Variants in PCDHA9 observed in about 807,000 individuals in gnomAD.
PCDHA9 encodes the protein protocadherin alpha-9.
In PCDHA9, 62 loss-of-function variants were observed where a neutral mutation model predicts 62.0. The observed-to-expected ratio is 1.00, with a 90% CI of 0.81 to 1.23. The LOEUF (loss-of-function observed/expected upper bound fraction) is 1.23. Ranked by LOEUF, PCDHA9 falls within the 50% of genes most tolerant of loss-of-function variation. The pLI is 0.00. For missense variants in PCDHA9, 1,205 were observed against 1,249.8 expected (o/e 0.96, Z 0.54); for synonymous variants, 557 against 567.6 (o/e 0.98, Z 0.27).
At chr5:140,962,295 A>G (rs1215334325) in intron 1 of PCDHA9, among the ~76,000 whole-genome samples, 2 of 152,196 alleles carry the variant, frequency 1.3e-5, no homozygotes, top group African/African-American at 4.8e-5. Flanking sequence ...TTAATATTCT[A>G]TGATTCTTGT....
rs139533789 is a variant in PCDHA9, at chr5:140,857,716, C to G, written c.2394+6827C>G. ...TGACGCTGCAGGTGTTCGTGCTGGA[C>G]GAGAACGACAACGCTCCCGCGCTGC... On this transcript the variant is annotated intron_variant, in intron 1 of 3. Transcript: ENST00000532602. The G allele has an allele frequency of 3.1e-6, 5 of 1,597,272 alleles. No individual in the cohort carries two copies. Among genetic ancestry groups the G allele is most frequent in the East Asian group, 2.2e-5 (1 of 44,832 alleles).
intron 1 of PCDHA9, among the ~76,000 whole-genome samples, chr5:140,942,504 G>C (rs2093309107): frequency 6.6e-6 from 1 of 151,936 alleles, no homozygotes; most frequent in Admixed American, 6.6e-5. Flanking sequence ...ATGGTATCTA[G>C]GAAACTCAGA....
At chr5:140,889,042 A>G (rs1395605890) in intron 1 of PCDHA9, among the ~76,000 whole-genome samples, 1 of 152,046 alleles carries the variant, frequency 6.6e-6, no homozygotes, top group African/African-American at 2.4e-5. Context: ...ATTTGATTAT[A>G]ATTTATAATC....
In PCDHA9 at chr5:140,855,633, A is replaced by G. The variant is rs2043544595; in HGVS notation, c.2394+4744A>G. On this transcript the variant is annotated intron_variant, in intron 1 of 3. Transcript: ENST00000532602. ...ATTAAGGGCATTTTGAAATTCGGCT[A>G]TTGATAATCATGTGGTTAGGGAAGA... 1.3e-5 allele frequency among the ~76,000 whole-genome samples: 2 copies of G among 149,874 alleles called. 1 individual carries two copies. Among genetic ancestry groups the G allele is most frequent in the African/African-American group, 4.9e-5 (2 of 40,848 alleles).
rs782755765 is a variant in PCDHA9, at chr5:140,869,235, C to T, written c.2394+18346C>T. On this transcript the variant is annotated intron_variant, in intron 1 of 3. Coordinates refer to ENST00000532602, the MANE Select transcript of PCDHA9 (RefSeq NM_031857.2). ...CGGAGGAGGCCAAACACGGCACCTT[C>T]GTGGGCCGCATCGCGCAGGACCTGG... is the stretch of plus-strand genomic sequence containing the variant. 1.2e-5 allele frequency: 19 copies of T among 1,613,568 alleles called. No homozygotes were observed. The South Asian group carries it at 1.5e-4, about 13-fold the overall frequency.
chr5:140,861,768 T>TACCA (rs3834243), intron 1 of PCDHA9: 106,057 of 158,892 alleles, frequency 0.67, 35,632 homozygotes, highest in African/African-American at 0.71. Flanking sequence ...TCCCTGGAAA[T>TACCA]ACCAAGAGCA....
At position 140,852,208 on chromosome 5, in the gene PCDHA9, C is replaced by G. The variant is rs536842960; in HGVS notation, c.2394+1319C>G. On this transcript the variant is annotated intron_variant, in intron 1 of 3. Transcript: ENST00000532602. ...AAATGCCAGTAACGTTTATTTAAAA[C>G]AAAATATTTTAATTTTTAAATTTTC... 9.1e-6 allele frequency: 6 copies of G among 657,544 alleles called. No homozygotes were observed. In the African/African-American group the frequency reaches 1.2e-4, roughly 13 times the overall value. The allele number at this position is 657,544 out of a possible 1,614,324, so 40.7% of individuals were successfully genotyped here. A position where few individuals can be genotyped will look rare whatever the true frequency, so the allele number is the denominator to read the frequency against.
intron 1 of PCDHA9, among the ~76,000 whole-genome samples, chr5:140,873,019 T>C (rs1453965744): frequency 6.6e-6 from 1 of 152,206 alleles, no homozygotes; most frequent in Non-Finnish European, 1.5e-5. Flanking sequence ...TATTTAGTTA[T>C]TCTTACTACA....
intron 1 of PCDHA9, among the ~76,000 whole-genome samples, chr5:140,955,964 A>G (rs148345661): frequency 5.3e-5 from 8 of 152,256 alleles, no homozygotes; most frequent in African/African-American, 1.7e-4. Flanking sequence ...TTGTTTGTGC[A>G]TAGGAATGCT....
In PCDHA9 at chr5:140,848,617, A is replaced by C. The variant is rs2150415016; in HGVS notation, c.122A>C (p.His41Pro). 6.3e-7 allele frequency: 1 copy of C among 1,593,554 alleles called. No homozygotes were observed. The highest frequency in any genetic ancestry group is 1.1e-5 in the South Asian group (1 of 90,310). Residue 41 changes from histidine to proline, a missense_variant, in exon 1 of 4, where the codon CAC becomes CCC. This residue lies in a region of PCDHA9 where 208 missense variants were observed against 213.2 expected (regional missense o/e 0.98). Coordinates refer to ENST00000532602, the MANE Select transcript of PCDHA9 (RefSeq NM_031857.2). ...TACTCCGTCCCGGAGGAAGCCGAACACGGCACCTTCGTGGGCCGCATCGCG... is the reference window on the plus strand; with the variant it reads ...TACTCCGTCCCGGAGGAAGCCGAACCCGGCACCTTCGTGGGCCGCATCGCG... ...LHYSVPEEAE[H>P]GTFVGRIAQD...
In PCDHA9 at chr5:140,982,557, A is replaced by G. The variant is rs199851685; in HGVS notation, c.2536A>G (p.Thr846Ala). 6.2e-7 allele frequency: 1 copy of G among 1,614,138 alleles called. No homozygotes were observed. The highest frequency in any genetic ancestry group is 1.7e-5 in the Admixed American group (1 of 60,030). The change falls in exon 3 of 4, where the codon ACA becomes GCA. Residue 846 changes from threonine (T) to alanine (A), a missense_variant. Physicochemically the swap from Thr to Ala is moderately conservative, Grantham distance 58. Transcript: ENST00000532602. ...GCAGTGGCCAACAGTATCCAGTGCAACACCAGGTAAAGAGCTGGGGTCTCT... is the reference window on the plus strand; with the variant it reads ...GCAGTGGCCAACAGTATCCAGTGCAGCACCAGGTAAAGAGCTGGGGTCTCT... Reference protein sequence around the residue: ...DQQWPTVSSATPEPEAGEVSP... With the variant: ...DQQWPTVSSAAPEPEAGEVSP...
chr5:140,861,578 C>A (rs1425852721), intron 1 of PCDHA9: 2 of 361,296 alleles, frequency 5.5e-6, no homozygotes, highest in Non-Finnish European at 1.1e-5. Flanking sequence ...TACAGGTTTT[C>A]CATGTGGAGG....
At chr5:140,875,288 A>G in intron 1 of PCDHA9, 2 of 1,392,506 alleles carry the variant, frequency 1.4e-6, no homozygotes, top group East Asian at 2.5e-5. Flanking sequence ...TGAAACAGGA[A>G]AATTTTTTTC....
intron 1 of PCDHA9, among the ~76,000 whole-genome samples, chr5:140,962,118 C>T (rs561645739): frequency 1.3e-5 from 2 of 152,210 alleles, no homozygotes; most frequent in East Asian, 1.9e-4. Context: ...ATCTCCTAAC[C>T]TTGGCCTCGG....
chr5:141,004,403 C>T (rs1424370254), intron 3 of PCDHA9, among the ~76,000 whole-genome samples: 1 of 152,166 alleles, frequency 6.6e-6, no homozygotes, highest in Non-Finnish European at 1.5e-5. Flanking sequence ...GGAGGAGGCA[C>T]CTGACTAGAT....
intron 1 of PCDHA9, chr5:140,859,356 A>T (rs1159666697): frequency 4.0e-6 from 1 of 251,742 alleles, no homozygotes; most frequent in African/African-American, 2.3e-5. Context: ...TACTGATCTG[A>T]TATATTGTAT....
intron 1 of PCDHA9, chr5:140,930,291 C>G (rs529065220): frequency 2.0e-5 from 3 of 152,094 alleles, no homozygotes; most frequent in Non-Finnish European, 4.4e-5. Flanking sequence ...ATACACTTAA[C>G]AAATAAGTAA....
At chr5:140,963,685 C>T (rs1272143166) in intron 1 of PCDHA9, among the ~76,000 whole-genome samples, 19 of 152,220 alleles carry the variant, frequency 1.2e-4, no homozygotes, top group Middle Eastern at 3.4e-3. Flanking sequence ...TGTGTTTATC[C>T]GTGTTTGATA....
At chr5:140,965,607 T>C (rs2095916367) in intron 1 of PCDHA9, among the ~76,000 whole-genome samples, 1 of 152,088 alleles carries the variant, frequency 6.6e-6, no homozygotes, top group Non-Finnish European at 1.5e-5. Flanking sequence ...CTTGAAGACA[T>C]TGTCATCCAT....
Sources: allele counts gnomAD v4.1 joint callset (sites outside exome capture counted in the v4.1 genomes callset), GRCh38; gene constraint gnomAD v4.1.1; regional missense constraint gnomAD v4.1.1; transcripts MANE v1.5; gene names NCBI Gene and HGNC (gene_info 2026-07-23, HGNC 2026-07-21).